CSMD1: variants seen among roughly 807,000 people sequenced by gnomAD.
CSMD1 encodes CUB and sushi domain-containing protein 1.
CSMD1 carries 213 observed loss-of-function variants against 417.5 expected under a neutral mutation model. That is an observed-to-expected ratio of 0.51 (90% CI 0.46 to 0.57). The LOEUF is 0.57. CSMD1 is among the 20% of genes least tolerant of loss of function. The pLI, the probability that CSMD1 is intolerant of heterozygous loss-of-function variation, is 0.00. For missense variants in CSMD1, 6,923 were observed against 4,529.7 expected (o/e 1.53, Z -15.17); for synonymous variants, 2,862 against 1,736.8 (o/e 1.65, Z -16.11).
chr8:3,327,498 A>G (rs771321336), intron 23 of CSMD1, among the ~76,000 whole-genome samples: 22 of 152,186 alleles, frequency 1.4e-4, no homozygotes, highest in African/African-American at 4.1e-4. Flanking sequence ...CTCTTAACAT[A>G]CACATCTTTT....
At chr8:4,303,943 C>T (rs1798116656) in intron 3 of CSMD1, among the ~76,000 whole-genome samples, 2 of 152,138 alleles carry the variant, frequency 1.3e-5, no homozygotes, top group South Asian at 4.2e-4. Flanking sequence ...GGATAAGCTC[C>T]AGCTGCCACT....
intron 3 of CSMD1, among the ~76,000 whole-genome samples, chr8:4,341,925 G>C (rs1001846673): frequency 1.3e-5 from 2 of 152,048 alleles, no homozygotes; most frequent in East Asian, 1.9e-4. Context: ...CTTAGAATTA[G>C]TACTATGCTT....
At position 3,409,499 on chromosome 8, in the gene CSMD1, G is replaced by C. The variant is rs531704766; in HGVS notation, c.1668C>G (p.Ala556=). ...GDTLTFECPA[A]FELVGERVIT... ...TAACTCTCTCCCCCACCAGCTCAAA[G>C]GCCGCCGGGCATTCAAAGGTGAGTG... Residue 556 remains alanine (A), a synonymous_variant, in exon 13 of 70, where the codon GCC becomes GCG. Coordinates refer to ENST00000635120, the MANE Select transcript of CSMD1 (RefSeq NM_033225.6). The C allele has an allele frequency of 2.5e-5, 41 of 1,611,182 alleles. No homozygotes were observed. In the South Asian group the frequency reaches 3.1e-4, roughly 12 times the overall value.
At chr8:4,873,425 G>C (rs1802853417) in intron 1 of CSMD1, among the ~76,000 whole-genome samples, 1 of 152,070 alleles carries the variant, frequency 6.6e-6, no homozygotes, top group Non-Finnish European at 1.5e-5. Flanking sequence ...TAAGACTCTA[G>C]AATCTAACTC....
chr8:3,971,918 A>G (rs1057333120), intron 5 of CSMD1, among the ~76,000 whole-genome samples: 1 of 151,886 alleles, frequency 6.6e-6, no homozygotes, highest in East Asian at 1.9e-4. Context: ...TTGTTTGTCT[A>G]TTTTTTTGAG....
intron 3 of CSMD1, among the ~76,000 whole-genome samples, chr8:4,038,251 T>A (rs75290370): frequency 3.3e-5 from 5 of 152,098 alleles, no homozygotes; most frequent in African/African-American, 1.2e-4. Flanking sequence ...TGTGAATAAA[T>A]AGAAATAATT....
chr8:4,089,094 T>C (rs1353263083), intron 3 of CSMD1, among the ~76,000 whole-genome samples: 1 of 152,184 alleles, frequency 6.6e-6, no homozygotes, highest in East Asian at 1.9e-4. Context: ...CCATGTAGGA[T>C]TCAGGAAACT....
intron 10 of CSMD1, among the ~76,000 whole-genome samples, chr8:3,524,250 G>C (rs1334268972): frequency 1.4e-5 from 2 of 140,172 alleles, no homozygotes; most frequent in Non-Finnish European, 3.1e-5. Flanking sequence ...CACACCCAGA[G>C]ACATACACAC....
intron 40 of CSMD1, among the ~76,000 whole-genome samples, chr8:3,144,562 A>T (rs1360114620): frequency 6.6e-6 from 1 of 152,052 alleles, no homozygotes; most frequent in Non-Finnish European, 1.5e-5. Context: ...CCAGTCAAGA[A>T]AGGACCTGTG....
At chr8:3,388,089 T>C (rs1811123504) in intron 17 of CSMD1, among the ~76,000 whole-genome samples, 1 of 152,226 alleles carries the variant, frequency 6.6e-6, no homozygotes, top group Non-Finnish European at 1.5e-5. Context: ...TATTTATATA[T>C]TCCAGTTAGA....
At chr8:3,677,019 G>A (rs1300006544) in intron 7 of CSMD1, among the ~76,000 whole-genome samples, 1 of 152,060 alleles carries the variant, frequency 6.6e-6, no homozygotes, top group East Asian at 1.9e-4. Flanking sequence ...TGGGGGCAAG[G>A]GGAGGGAGAG....
chr8:4,395,142 C>T (rs919556059), intron 3 of CSMD1, among the ~76,000 whole-genome samples: 5 of 152,156 alleles, frequency 3.3e-5, no homozygotes, highest in Admixed American at 2.0e-4. Flanking sequence ...CCCTTTGTCC[C>T]TGCTGTCCTC....
intron 3 of CSMD1, among the ~76,000 whole-genome samples, chr8:4,124,437 G>T (rs970181033): frequency 3.0e-4 from 46 of 151,720 alleles, no homozygotes; most frequent in African/African-American, 8.9e-4. Context: ...TAGAAGGGAG[G>T]AAACCCACGA....
At chr8:4,151,256 A>G (rs191733386) in intron 3 of CSMD1, among the ~76,000 whole-genome samples, 58 of 152,318 alleles carry the variant, frequency 3.8e-4, no homozygotes, top group Admixed American at 3.5e-3. Flanking sequence ...GAAAGCTAAA[A>G]TATTCAGACT....
At chr8:4,003,270 G>T (rs969718646) in intron 4 of CSMD1, among the ~76,000 whole-genome samples, 1 of 152,048 alleles carries the variant, frequency 6.6e-6, no homozygotes, top group Non-Finnish European at 1.5e-5. Context: ...ACGGGCACTT[G>T]TAATCCCAGC....
intron 4 of CSMD1, among the ~76,000 whole-genome samples, chr8:4,008,192 G>A (rs755506322): frequency 6.6e-6 from 1 of 152,048 alleles, no homozygotes; most frequent in Non-Finnish European, 1.5e-5. Context: ...AAGCTACAGG[G>A]CAGCTGGAAA....
At chr8:3,675,315 G>A (rs1053935994) in intron 7 of CSMD1, among the ~76,000 whole-genome samples, 2 of 152,156 alleles carry the variant, frequency 1.3e-5, no homozygotes, top group Non-Finnish European at 2.9e-5. Flanking sequence ...ACATCCTCAC[G>A]TCTCCACTGT....
At chr8:4,234,244 C>T (rs968567211) in intron 3 of CSMD1, among the ~76,000 whole-genome samples, 1 of 152,152 alleles carries the variant, frequency 6.6e-6, no homozygotes. Context: ...CAGACTAAAG[C>T]AGGAGGTTGT....
chr8:3,875,415 G>T (rs546197761), intron 5 of CSMD1, among the ~76,000 whole-genome samples: 1 of 152,172 alleles, frequency 6.6e-6, no homozygotes, highest in South Asian at 2.1e-4. Context: ...TTATGGATTG[G>T]AGGAGTTCCT....
Sources: gnomAD v4.1 joint callset for allele counts (sites outside exome capture counted in the v4.1 genomes callset) on GRCh38, gnomAD v4.1.1 for gene constraint, MANE v1.5 for transcripts, NCBI Gene and HGNC (gene_info 2026-07-23, HGNC 2026-07-21) for gene names.